The following GARNL3 variants were observed in gnomAD, a reference collection of about 807,000 sequenced individuals.
The protein encoded by GARNL3 is GTPase-activating Rap/Ran-GAP domain-like protein 3.
A neutral mutation model predicts 125.0 loss-of-function variants in GARNL3; 63 were observed. The observed-to-expected ratio is 0.50, with a 90% CI of 0.41 to 0.62. The LOEUF (loss-of-function observed/expected upper bound fraction) is 0.62. Among genes scored for constraint, GARNL3 ranks in the 20% least tolerant of loss-of-function variants. The probability of loss-of-function intolerance (pLI) is 0.00; values close to 1 mark genes in which losing one functional copy is unlikely to be tolerated. For synonymous variants in GARNL3, 439 were observed against 457.5 expected, an observed-to-expected ratio of 0.96 and a Z score of 0.52; for missense variants, 994 against 1,244.0, an observed-to-expected ratio of 0.80 and a Z score of 3.02.
At chr9:127,243,260 A>G (rs778622780) in intron 2 of GARNL3, 3 of 1,366,342 alleles carry the variant, frequency 2.2e-6, no homozygotes, top group Non-Finnish European at 2.9e-6. Flanking sequence ...GTAAGTAAGT[A>G]AAAGAAGCAT....
In GARNL3 at chr9:127,354,391, C is replaced by T; in HGVS notation, c.1740C>T (p.Asn580=). 6.2e-7 allele frequency: 1 copy of T among 1,609,324 alleles called. No homozygotes were observed. The highest frequency in any genetic ancestry group is 8.5e-7 in the Non-Finnish European group (1 of 1,176,590). The change falls in exon 19 of 28, where the codon AAC becomes AAT. Residue 580 remains asparagine, a synonymous_variant. Coordinates refer to ENST00000373387, the MANE Select transcript of GARNL3 (RefSeq NM_032293.5). ...AGKSRSDCRE[N]KLEKTKGCHL... Reference sequence around the variant, plus strand: ...AGAGCAGGTCTGACTGCAGAGAAAACAAGTTGGAGAAAACAAAAGGTGACT... The same window carrying T: ...AGAGCAGGTCTGACTGCAGAGAAAATAAGTTGGAGAAAACAAAAGGTGACT...
At chr9:127,279,659 A>T (rs1035983774) in intron 1 of GARNL3, among the ~76,000 whole-genome samples, 16 of 152,158 alleles carry the variant, frequency 1.1e-4, no homozygotes, top group African/African-American at 3.9e-4. Flanking sequence ...CTATTCTGAA[A>T]TTTTATTTTG....
rs567099412 is a variant in GARNL3 at position 127,343,511 on chromosome 9, A to G, written c.1252-724A>G. 5.9e-5 allele frequency among the ~76,000 whole-genome samples: 9 copies of G among 152,320 alleles called. No homozygotes were observed. The East Asian group carries it at 1.7e-3, about 29-fold the overall frequency. ...ACACTTCCCCTTCATAGCAGTGATC[A>G]CATGTGCTAAACATGTCGTTGCTTA... On this transcript the variant is annotated intron_variant, in intron 14 of 27. Transcript: ENST00000373387.
intron 22 of GARNL3, among the ~76,000 whole-genome samples, chr9:127,372,119 C>A (rs1207379845): frequency 6.6e-6 from 1 of 152,140 alleles, no homozygotes; most frequent in East Asian, 1.9e-4. Context: ...TTGTTCCATA[C>A]CTCACATTCA....
chr9:127,267,122 A>T (rs568489879), intron 1 of GARNL3, among the ~76,000 whole-genome samples: 40 of 152,244 alleles, frequency 2.6e-4, no homozygotes, highest in Admixed American at 2.2e-3. Context: ...GCCTTAGAGG[A>T]CCTCAGCTAG....
At chr9:127,327,153 T>C (rs1049842594) in intron 7 of GARNL3, among the ~76,000 whole-genome samples, 1 of 152,222 alleles carries the variant, frequency 6.6e-6, no homozygotes, top group African/African-American at 2.4e-5. Flanking sequence ...CATTCATTGA[T>C]TCAACACATA....
intron 7 of GARNL3, among the ~76,000 whole-genome samples, chr9:127,328,996 C>T (rs1829055463): frequency 6.6e-6 from 1 of 152,182 alleles, no homozygotes; most frequent in Non-Finnish European, 1.5e-5. Flanking sequence ...CCAGGTCTGG[C>T]CTTGAGACCT....
At chr9:127,238,564 A>G (rs767885622) in intron 1 of GARNL3, among the ~76,000 whole-genome samples, 1 of 152,196 alleles carries the variant, frequency 6.6e-6, no homozygotes, top group Non-Finnish European at 1.5e-5. Context: ...AACACTTTCC[A>G]TAGGAGAACT....
intron 25 of GARNL3, 138 bp downstream of exon 25, chr9:127,387,469 G>C: frequency 1.1e-6 from 1 of 901,536 alleles, no homozygotes; most frequent in Non-Finnish European, 1.6e-6. Flanking sequence ...CTAGCTGAGC[G>C]TGGTGGCTCA....
chr9:127,369,844 A>G (rs1831511688), intron 22 of GARNL3, among the ~76,000 whole-genome samples: 1 of 152,170 alleles, frequency 6.6e-6, no homozygotes, highest in African/African-American at 2.4e-5. Context: ...CCATGGGGGA[A>G]GCTCCAATAG....
chr9:127,385,137 G>C lies in GARNL3; in HGVS notation c.2380G>C (p.Ala794Pro). The change falls in exon 24 of 28, where the codon GCC becomes CCC. Residue 794 changes from alanine to proline, a missense_variant. Physicochemically the swap from Ala to Pro is conservative, Grantham distance 27 (BLOSUM62 -1). This residue lies in a region of GARNL3 where 728 missense variants were observed against 865.7 expected (regional missense o/e 0.84). Transcript: ENST00000373387. This position sits in a 1 kb window ranked among gnomAD's most constrained non-coding sequence, Gnocchi z 4.1. ...TAVVPQLQLV[A>P]SRSDIYFTAT... ...AGTCGTGCCGCAGCTGCAGCTGGTG[G>C]CCTCCAGGGTGAGTAGGACTGGGAT... 1 of 1,599,912 alleles carries C rather than the reference G, an allele frequency of 6.3e-7. No individual in the cohort carries two copies. Among genetic ancestry groups the C allele is most frequent in the Non-Finnish European group, 8.5e-7 (1 of 1,170,790 alleles).
chr9:127,225,368 G>T, intron 1 of GARNL3: 2 of 984,946 alleles, frequency 2.0e-6, no homozygotes, highest in Non-Finnish European at 2.4e-6. Flanking sequence ...AGAGGGCGGC[G>T]CTGCGGCGCA....
chr9:127,357,900 G>A (rs1214965468), intron 21 of GARNL3, among the ~76,000 whole-genome samples: 1 of 152,134 alleles, frequency 6.6e-6, no homozygotes, highest in East Asian at 1.9e-4. Flanking sequence ...GACCTCTGAG[G>A]CACTGCAGAC....
chr9:127,377,992 G>A (rs1363540832), intron 22 of GARNL3, among the ~76,000 whole-genome samples: 1 of 151,934 alleles, frequency 6.6e-6, no homozygotes, highest in Admixed American at 6.6e-5. Flanking sequence ...AGTAATCCCA[G>A]CACTTTGGGA....
In GARNL3 at chr9:127,355,319, C is replaced by A; in HGVS notation, c.1782C>A (p.Asn594Lys). ...CAGGCTGCCACCTGTATGCTATTAA[C>A]ACTCACCACAGCAGAGAGCTGAGGA... ...KTKGCHLYAI[N>K]THHSRELRIV... is the part of the protein sequence containing the mutation. The change falls in exon 20 of 28, where the codon AAC (asparagine) becomes AAA (lysine). Residue 594 changes from asparagine (N) to lysine (K), a missense_variant. Coordinates refer to ENST00000373387, the MANE Select transcript of GARNL3 (RefSeq NM_032293.5). 6.2e-7 allele frequency: 1 copy of A among 1,614,192 alleles called. No individual in the cohort carries two copies. Among genetic ancestry groups the A allele is most frequent in the Non-Finnish European group, 8.5e-7 (1 of 1,180,030 alleles).
upstream of GARNL3, among the ~76,000 whole-genome samples, chr9:127,259,163 C>T (rs546914173): frequency 6.6e-6 from 1 of 152,308 alleles, no homozygotes; most frequent in Admixed American, 6.5e-5. Context: ...TCAGTTTTAA[C>T]AACTCTTGAC....
chr9:127,376,804 G>C (rs1831943697), intron 22 of GARNL3, among the ~76,000 whole-genome samples: 1 of 152,162 alleles, frequency 6.6e-6, no homozygotes. Flanking sequence ...AAGTATAGAA[G>C]ATATTGGAAA....
chr9:127,245,402 C>T (rs2779734), intron 2 of GARNL3: 143,256 of 152,470 alleles, frequency 0.94, 67,327 homozygotes, highest in Admixed American at 0.96. Flanking sequence ...GGACTGCGAT[C>T]GCTGCCGGAT....
intron 13 of GARNL3, among the ~76,000 whole-genome samples, chr9:127,341,522 A>G (rs1829857395): frequency 6.6e-6 from 1 of 152,250 alleles, no homozygotes; most frequent in Non-Finnish European, 1.5e-5. Flanking sequence ...AGAGGATCAG[A>G]CAGAGAGCAA....
Sources: allele counts gnomAD v4.1 joint callset (sites outside exome capture counted in the v4.1 genomes callset), GRCh38; gene constraint gnomAD v4.1.1; regional missense constraint gnomAD v4.1.1; non-coding constraint Gnocchi (gnomAD v3.1); transcripts MANE v1.5; gene names NCBI Gene and HGNC (gene_info 2026-07-23, HGNC 2026-07-21).